COL20A1: variants seen among roughly 807,000 people sequenced by gnomAD.
COL20A1 encodes the protein collagen alpha-1(XX) chain.
A neutral mutation model predicts 152.9 loss-of-function variants in COL20A1; 164 were observed. That is an observed-to-expected ratio of 1.07 (90% confidence interval 0.94 to 1.22). The LOEUF (loss-of-function observed/expected upper bound fraction) is 1.22. Among genes scored for constraint, COL20A1 ranks in the 50% most tolerant of loss-of-function variants. COL20A1 has a pLI of 0.00. For synonymous variants in COL20A1, 864 were observed against 756.0 expected (o/e 1.14, Z -2.34); for missense variants, 1,873 against 1,744.8 (o/e 1.07, Z -1.31).
intron 6 of COL20A1, 32 bp from the exon 7 acceptor site, chr20:63,307,939 A>T (rs1278507680): frequency 6.2e-7 from 1 of 1,607,994 alleles, no homozygotes; most frequent in African/African-American, 1.3e-5. Context: ...AGCATTGGAA[A>T]CTCAGCCCGT....
intron 2 of COL20A1, among the ~76,000 whole-genome samples, chr20:63,295,593 C>A (rs975050594): frequency 6.6e-6 from 1 of 152,146 alleles, no homozygotes; most frequent in African/African-American, 2.4e-5. Context: ...GCGGCACTCG[C>A]ATTTCCACGC....
Position 63,319,253 on chromosome 20 carries a change from G to A in COL20A1, c.2806+53G>A. On this transcript the variant is annotated intron_variant, in intron 22 of 35. Coordinates refer to ENST00000358894, the MANE Select transcript of COL20A1 (RefSeq NM_020882.4). This position sits in a 1 kb window ranked among gnomAD's most constrained non-coding sequence, Gnocchi z 4.4. Reference sequence around the variant, plus strand: ...CAGTCAGGAGGAGTAGGGGCAGGGAGGCCCCAGAGCCCTGGGAGGCCTTCA... The same window carrying A: ...CAGTCAGGAGGAGTAGGGGCAGGGAAGCCCCAGAGCCCTGGGAGGCCTTCA... 4 of 1,571,096 alleles carry A rather than the reference G, an allele frequency of 2.5e-6. No homozygotes were observed. The highest frequency in any genetic ancestry group is 1.7e-4 in the Middle Eastern group (1 of 5,924).
rs188031385 is a variant in COL20A1, at chr20:63,298,222, T to C, written c.193+202T>C. On this transcript the variant is annotated intron_variant, in intron 3 of 35. Transcript: ENST00000358894. ...CATGGAAGAGGGAATGGGGCTCCTC[T>C]GTCCCTGGCACGCAGCCCCTGCAGA... 5.6e-3 allele frequency among the ~76,000 whole-genome samples: 858 copies of C among 152,394 alleles called. 9 individuals carry two copies. Among genetic ancestry groups the C allele is most frequent in the African/African-American group, 0.019 (810 of 41,594 alleles).
At chr20:63,298,072 C>T in intron 3 of COL20A1, 52 bp downstream of exon 3, 1 of 1,322,430 alleles carries the variant, frequency 7.6e-7, no homozygotes, top group Non-Finnish European at 1.1e-6. Context: ...GTGCCGAGGA[C>T]AGTCAGTGTG....
chr20:63,330,303 G>T (rs1025455816), intron 35 of COL20A1, among the ~76,000 whole-genome samples: 1 of 152,124 alleles, frequency 6.6e-6, no homozygotes, highest in African/African-American at 2.4e-5. Context: ...AGAGCGTGGC[G>T]CAGGGTGTGT....
Position 63,319,228 on chromosome 20 carries a change from C to A in COL20A1, c.2806+28C>A, listed in dbSNP as rs1455298057. The A allele has an allele frequency of 1.2e-6, 2 of 1,604,274 alleles. No individual in the cohort carries two copies. The highest frequency in any genetic ancestry group is 1.7e-6 in the Non-Finnish European group (2 of 1,175,636). On this transcript the variant is annotated intron_variant, in intron 22 of 35. Transcript: ENST00000358894. This position sits in a 1 kb window ranked among gnomAD's most constrained non-coding sequence, Gnocchi z 4.4. ...GACGTGGGCCCCGCGTCGCCCCCAG[C>A]AGTCAGGAGGAGTAGGGGCAGGGAG...
intron 20 of COL20A1, 70 bp downstream of exon 20, chr20:63,315,509 A>C (rs1368216723): frequency 7.2e-7 from 1 of 1,390,614 alleles, no homozygotes; most frequent in Admixed American, 2.1e-5. Flanking sequence ...CGTGGGGGCC[A>C]AGGGTGTCGT....
chr20:63,328,163 C>T, intron 33 of COL20A1, 36 bp downstream of exon 33: 1 of 1,609,594 alleles, frequency 6.2e-7, no homozygotes, highest in Non-Finnish European at 8.5e-7. Context: ...AGGCCAGCAG[C>T]CCTGCACCTG....
chr20:63,298,454 C>G (rs1404778876), intron 3 of COL20A1, among the ~76,000 whole-genome samples: 1 of 151,942 alleles, frequency 6.6e-6, no homozygotes, highest in African/African-American at 2.4e-5. Context: ...CCACTCCTGG[C>G]TAATTTTTGT....
At position 63,319,564 on chromosome 20, in the gene COL20A1, G is replaced by A; in HGVS notation, c.2884G>A (p.Val962Met). The A allele has an allele frequency of 6.3e-7, 1 of 1,594,654 alleles. No individual in the cohort carries two copies. Residue 962 changes from valine to methionine, a missense_variant, in exon 23 of 36, where the codon GTG becomes ATG. By Grantham distance (21) the Val-to-Met change is conservative. Transcript: ENST00000358894. The surrounding 1 kb of genome is among the most constrained non-coding windows in gnomAD (Gnocchi z 4.4). ...GGAGGCCACCTTCGACCCGCAGGAA[G>A]TGAGGAAGATTTTCTTCGGGAGCTT... The part of the protein sequence containing the change: ...LQEATFDPQE[V>M]RKIFFGSFHK...
At chr20:63,310,664 C>T (rs1211302179) in intron 11 of COL20A1, among the ~76,000 whole-genome samples, 154 bp downstream of exon 11, 1 of 152,164 alleles carries the variant, frequency 6.6e-6, no homozygotes, top group Non-Finnish European at 1.5e-5. Context: ...GTGACCAAGG[C>T]CGAGTCACTG....
In COL20A1 at chr20:63,310,389, G is replaced by T. The variant is rs1470360930; in HGVS notation, c.1272G>T (p.Val424=). The part of the protein sequence containing the change: ...SRGGTPREVV[V]EGPAASTELH... ...TGCCCACTCTGTTCCAGGTGGTGGT[G>T]GAGGGACCCGCCGCCTCCACGGAGC... Residue 424 remains valine (V), a synonymous_variant, in exon 11 of 36, where the codon GTG becomes GTT. Transcript: ENST00000358894. The T allele has an allele frequency of 5.6e-6, 9 of 1,611,034 alleles. No individual in the cohort carries two copies. Among genetic ancestry groups the T allele is most frequent in the Non-Finnish European group, 7.6e-6 (9 of 1,179,274 alleles).
chr20:63,320,345 CGG>C lies in COL20A1; in HGVS notation c.3131_3132del (p.Arg1044LeufsTer3). ...CAGTGACACCTGGGCCGATGAGGACCGGTGCTGTGAGCTCCCTGCCTCGGTGT... is the reference window on the plus strand; with the variant it reads ...CAGTGACACCTGGGCCGATGAGGACCTGCTGTGAGCTCCCTGCCTCGGTGT... The part of the protein sequence containing the change: ...VCSDTWADED[R>X]CCELPASRDG... On this transcript the variant is annotated frameshift_variant, in exon 25 of 36. Transcript: ENST00000358894. LOFTEE classifies it high-confidence loss of function. 4 of 1,611,306 alleles carry C rather than the reference CGG, an allele frequency of 2.5e-6. No individual in the cohort carries two copies. The highest frequency in any genetic ancestry group is 3.4e-6 in the Non-Finnish European group (4 of 1,179,844).
In COL20A1 at chr20:63,297,923, G is replaced by A. The variant is rs946011430; in HGVS notation, c.96G>A (p.Leu32=). Residue 32 remains leucine (L), a synonymous_variant, in exon 3 of 36, where the codon CTG becomes CTA. Transcript: ENST00000358894. The stretch of plus-strand genomic sequence containing the variant: ...CTGTTTCTGTAGCAAGCGGTCTCCT[G>A]AGGCTGGCTGTGCTGCCTGAGGACC... ...GREQVQASGL[L]RLAVLPEDRL... is the part of the protein sequence containing the mutation. The A allele has an allele frequency of 1.2e-6, 2 of 1,613,362 alleles. No individual in the cohort carries two copies. The highest frequency in any genetic ancestry group is 1.7e-6 in the Non-Finnish European group (2 of 1,179,804).
At chr20:63,297,506 G>T (rs1437456317) in intron 2 of COL20A1, among the ~76,000 whole-genome samples, 1 of 152,218 alleles carries the variant, frequency 6.6e-6, no homozygotes, top group African/African-American at 2.4e-5. Context: ...TGGGCAGGTT[G>T]CCAGCTGCTG....
intron 27 of COL20A1, 114 bp from the exon 28 acceptor site, chr20:63,325,327 C>T (rs994375188): frequency 7.3e-6 from 6 of 824,638 alleles, no homozygotes; most frequent in South Asian, 4.2e-5. Flanking sequence ...CAGCAGGGCT[C>T]GCCGGGGACC....
chr20:63,296,793 A>G (rs1053368282), intron 2 of COL20A1, among the ~76,000 whole-genome samples: 10 of 150,944 alleles, frequency 6.6e-5, no homozygotes, highest in African/African-American at 2.4e-4. Flanking sequence ...GACCCGGCCC[A>G]GCTGCTGCCT....
At position 63,307,691 on chromosome 20, in the gene COL20A1, G is replaced by C. The variant is rs543425109; in HGVS notation, c.655+43G>C. The stretch of plus-strand genomic sequence containing the variant: ...CCGCCTCCTGCCCCACCCGGGTGTG[G>C]TCCCCACAGCTCTGCCAGAGGAGGC... On this transcript the variant is annotated intron_variant, in intron 6 of 35. Transcript: ENST00000358894. The C allele has an allele frequency of 3.7e-5, 59 of 1,589,638 alleles. No individual in the cohort carries two copies. The African/African-American group carries it at 6.7e-4, about 18-fold the overall frequency.
At position 63,320,294 on chromosome 20, in the gene COL20A1, C is replaced by T. The variant is rs964964002; in HGVS notation, c.3079C>T (p.Gln1027Ter). 6.2e-7 allele frequency: 1 copy of T among 1,610,144 alleles called. No homozygotes were observed. ...AGCCGGCTCCCCTGCGTTGCAGTTT[C>T]AGCTCCAGATGCTGCAGATCGTGTG... ...RGPRSSSAAF[Q>*]LQMLQIVCSD... is the part of the protein sequence containing the mutation. Residue 1027 changes from glutamine to a stop codon, truncating the protein, a stop_gained, in exon 25 of 36, where the codon CAG becomes TAG. Coordinates refer to ENST00000358894, the MANE Select transcript of COL20A1 (RefSeq NM_020882.4). LOFTEE classifies it high-confidence loss of function.
Sources: allele counts gnomAD v4.1 joint callset (sites outside exome capture counted in the v4.1 genomes callset), GRCh38; gene constraint gnomAD v4.1.1; non-coding constraint Gnocchi (gnomAD v3.1); transcripts MANE v1.5; gene names NCBI Gene and HGNC (gene_info 2026-07-23, HGNC 2026-07-21).